The following SLC26A1 variants were observed in gnomAD, a reference collection of about 807,000 sequenced individuals.
SLC26A1 encodes the protein sulfate anion transporter 1.
In SLC26A1, 18 loss-of-function variants were observed where a neutral mutation model predicts 14.5. The ratio of observed to expected loss-of-function variants is 1.24; its 90% CI spans 0.86 to 1.84. The LOEUF (loss-of-function observed/expected upper bound fraction) is 1.84, where lower values mean the gene tolerates loss of function less well. SLC26A1 is among the 40% of genes most tolerant of loss of function. SLC26A1 has a pLI of 0.00. For synonymous variants in SLC26A1, 505 were observed against 492.0 expected (o/e 1.03, Z -0.35); for missense variants, 1,049 against 1,020.0 (o/e 1.03, Z -0.39).
chr4:990,476 G>C, intron 2 of SLC26A1, 114 bp from the exon 3 acceptor site: 1 of 1,057,434 alleles, frequency 9.5e-7, no homozygotes, highest in African/African-American at 1.6e-5. Context: ...TGACAATTCT[G>C]TGTTGCGGCC....
At chr4:990,409 C>G (rs1180828428) in intron 2 of SLC26A1, 47 bp from the exon 3 acceptor site, 1 of 1,513,512 alleles carries the variant, frequency 6.6e-7, no homozygotes, top group Non-Finnish European at 8.9e-7. Flanking sequence ...GCGGGAGCCA[C>G]CTGCCCCTCA....
At chr4:986,363 C>A (rs1309576731), downstream of SLC26A1, among the ~76,000 whole-genome samples, 1 of 152,206 alleles carries the variant, frequency 6.6e-6, no homozygotes, top group African/African-American at 2.4e-5. Context: ...TTTGCAGGTG[C>A]TCAAGTACTT....
At chr4:979,199 C>T in exon 3 of SLC26A1, 1 of 534,218 alleles carries the variant, frequency 1.9e-6, no homozygotes, top group South Asian at 2.5e-5. Flanking sequence ...GTTACATCAT[C>T]CACATGGTAA....
At chr4:984,664 C>G (rs1713645094), downstream of SLC26A1, among the ~76,000 whole-genome samples, 1 of 152,116 alleles carries the variant, frequency 6.6e-6, no homozygotes, top group Non-Finnish European at 1.5e-5. Flanking sequence ...AACGCTGTCT[C>G]TACTGAAAAT....
In SLC26A1 at chr4:988,171, G is replaced by A; in HGVS notation, c.*662C>T. On this transcript the variant is annotated 3_prime_UTR_variant, in exon 3 of 3. Transcript: ENST00000398516. ...GGGCTTCCTGCAGGTCTCCCTGCAG[G>A]CTCAGGGTTGGCTGCGCCGCACCTG... 2.2e-6 allele frequency: 3 copies of A among 1,390,092 alleles called. No homozygotes were observed. The highest frequency in any genetic ancestry group is 1.9e-6 in the Non-Finnish European group (2 of 1,073,164). 86.1% of individuals were successfully genotyped at this position (1,390,092 alleles called of 1,614,324 possible). A position where few individuals can be genotyped will look rare whatever the true frequency, so the allele number is the denominator to read the frequency against.
At position 991,538 on chromosome 4, in the gene SLC26A1, C is replaced by T. The variant is rs142573758; in HGVS notation, c.166G>A (p.Ala56Thr). ...CGGTACTGACGCAGCCAGCGCGTGG[C>T]GGGGAGCAGGTCCTGCACCAGCGCC... ...VRALVQDLLPATRWLRQYRPR... is the reference protein window; with the variant it reads ...VRALVQDLLPTTRWLRQYRPR... The change falls in exon 2 of 3, where the codon GCC becomes ACC. Residue 56 changes from alanine (A) to threonine (T), a missense_variant. Physicochemically the swap from Ala to Thr is moderately conservative, Grantham distance 58 (BLOSUM62 0). Coordinates refer to ENST00000398516, the MANE Select transcript of SLC26A1 (RefSeq NM_022042.4). 1,011 of 1,605,504 alleles carry T rather than the reference C, an allele frequency of 6.3e-4. No individual in the cohort carries two copies. The highest frequency in any genetic ancestry group is 1.0e-3 in the Admixed American group (60 of 59,704).
chr4:988,080 G>T lies in SLC26A1; in HGVS notation c.*753C>A, dbSNP rs1254870795. 1.4e-6 allele frequency: 2 copies of T among 1,455,600 alleles called. No homozygotes were observed. Among genetic ancestry groups the T allele is most frequent in the Non-Finnish European group, 9.1e-7 (1 of 1,102,726 alleles). The allele number at this position is 1,455,600 out of a possible 1,614,324, so 90.2% of individuals were successfully genotyped here. On this transcript the variant is annotated 3_prime_UTR_variant, in exon 3 of 3. Coordinates refer to ENST00000398516, the MANE Select transcript of SLC26A1 (RefSeq NM_022042.4). ...GCCGAAGCACCCTGTTGGGGAGAGC[G>T]TGTCCTTGCTGGCTGTGCTGGGGTG... is the stretch of plus-strand genomic sequence containing the variant.
chr4:982,888 C>A (rs1307944448), downstream of SLC26A1, among the ~76,000 whole-genome samples: 1 of 152,238 alleles, frequency 6.6e-6, no homozygotes, highest in African/African-American at 2.4e-5. Context: ...TCAAACCCCC[C>A]TCCGTCTCCC....
chr4:986,552 T>C (rs1713736659), downstream of SLC26A1, among the ~76,000 whole-genome samples: 1 of 152,248 alleles, frequency 6.6e-6, no homozygotes, highest in Non-Finnish European at 1.5e-5. Flanking sequence ...ATTTTCAGTC[T>C]GCTTGGTTGA....
chr4:991,251 G>A lies in SLC26A1; in HGVS notation c.453C>T (p.Asp151=), dbSNP rs566741514. 56 of 1,612,394 alleles carry A rather than the reference G, an allele frequency of 3.5e-5. No homozygotes were observed. The highest frequency in any genetic ancestry group is 1.7e-4 in the Middle Eastern group (1 of 6,054). ...TGCTGTTGGCTCCGGGCTGCAGGCCGTCCTGGGAGGGGTCAAAGCCGGCCA... is the reference window on the plus strand; with the variant it reads ...TGCTGTTGGCTCCGGGCTGCAGGCCATCCTGGGAGGGGTCAAAGCCGGCCA... ...LQLAGFDPSQ[D]GLQPGANSST... is the part of the protein sequence containing the mutation. The change falls in exon 2 of 3, where the codon GAC becomes GAT. Residue 151 remains aspartate (D), a synonymous_variant. Transcript: ENST00000398516.
rs1713960560 is a variant in SLC26A1 at position 988,860 on chromosome 4, C to CT, written c.2078dup (p.Leu694AlafsTer107). The CT allele has an allele frequency of 6.2e-7, 1 of 1,606,212 alleles. No individual in the cohort carries two copies. Among genetic ancestry groups the CT allele is most frequent in the African/African-American group, 1.3e-5 (1 of 74,774 alleles). ...ACAGATGGGCATCGGTGGCCTCCAG[C>CT]TCCCTGTGGCGGGCTCGTGCTGTCT... On this transcript the variant is annotated frameshift_variant, in exon 3 of 3. Transcript: ENST00000398516. LOFTEE classifies it high-confidence loss of function.
chr4:991,365 G>T lies in SLC26A1; in HGVS notation c.339C>A (p.Phe113Leu). The change falls in exon 2 of 3, where the codon TTC becomes TTA. Residue 113 changes from phenylalanine to leucine, a missense_variant. By Grantham distance (22) the Phe-to-Leu change is conservative. Transcript: ENST00000398516. The part of the protein sequence containing the change: ...YTSFFANLIY[F>L]LMGTSRHVSV... ...AGACATGCCGTGAGGTGCCCATGAG[G>T]AAGTAGATGAGGTTGGCGAAGAAGG... is the stretch of plus-strand genomic sequence containing the variant. 1 of 1,612,892 alleles carries T rather than the reference G, an allele frequency of 6.2e-7. No homozygotes were observed. The highest frequency in any genetic ancestry group is 8.5e-7 in the Non-Finnish European group (1 of 1,179,960).
chr4:985,433 G>A (rs1713679728), downstream of SLC26A1, among the ~76,000 whole-genome samples: 1 of 152,252 alleles, frequency 6.6e-6, no homozygotes, highest in Non-Finnish European at 1.5e-5. Flanking sequence ...GGAGGCGGCT[G>A]GTCTGAAACA....
chr4:987,559 G>A, downstream of SLC26A1: 1 of 1,262,620 alleles, frequency 7.9e-7, no homozygotes, highest in East Asian at 2.6e-5. Flanking sequence ...ACCTAGAGCT[G>A]AGGTACCCGC....
chr4:987,300 CCT>C (rs1713809434), downstream of SLC26A1: 6 of 1,442,850 alleles, frequency 4.2e-6, no homozygotes, highest in Admixed American at 2.1e-5. Context: ...TCGGGCGCCC[CCT>C]GACTGCGCAC....
chr4:990,248 G>C lies in SLC26A1; in HGVS notation c.691C>G (p.Leu231Val). 3.2e-6 allele frequency: 5 copies of C among 1,587,000 alleles called. No individual in the cohort carries two copies. Among genetic ancestry groups the C allele is most frequent in the Non-Finnish European group, 4.3e-6 (5 of 1,168,322 alleles). ...TGCCGCGGGATCCGCACGCCCAGCA[G>C]GTGTTTGAGCTGCGAGGTCAGGATG... is the stretch of plus-strand genomic sequence containing the variant. ...VTILTSQLKH[L>V]LGVRIPRHQG... Residue 231 changes from leucine to valine, a missense_variant, in exon 3 of 3, where the codon CTG (leucine) becomes GTG (valine). Coordinates refer to ENST00000398516, the MANE Select transcript of SLC26A1 (RefSeq NM_022042.4).
At chr4:979,774 A>G (rs1035414711) in intron 2 of SLC26A1, among the ~76,000 whole-genome samples, 1 of 152,216 alleles carries the variant, frequency 6.6e-6, no homozygotes, top group Non-Finnish European at 1.5e-5. Context: ...CAGTGCCATG[A>G]CGTGGACCAG....
chr4:986,957 G>A (rs1166018321), downstream of SLC26A1: 2 of 417,778 alleles, frequency 4.8e-6, no homozygotes, highest in East Asian at 7.6e-5. Flanking sequence ...CCTCCCACCC[G>A]GCCATCGCCC....
rs1272569212 is a variant in SLC26A1 at position 988,899 on chromosome 4, C to T, written c.2040G>A (p.Val680=). 2 of 1,604,688 alleles carry T rather than the reference C, an allele frequency of 1.2e-6. No individual in the cohort carries two copies. Among genetic ancestry groups the T allele is most frequent in the Admixed American group, 1.7e-5 (1 of 59,060 alleles). ...CTCGTGCTGTCTGCACGGCATCGTG[C>T]ACACTGAGGAACAGCTGCTCCTCCT... is the stretch of plus-strand genomic sequence containing the variant. The part of the protein sequence containing the change: ...TAEEEQLFLS[V]HDAVQTARAR... The change falls in exon 3 of 3, where the codon GTG becomes GTA. Residue 680 remains valine (V), a synonymous_variant. Coordinates refer to ENST00000398516, the MANE Select transcript of SLC26A1 (RefSeq NM_022042.4).
Sources: allele counts gnomAD v4.1 joint callset (sites outside exome capture counted in the v4.1 genomes callset), GRCh38; gene constraint gnomAD v4.1.1; transcripts MANE v1.5; gene names NCBI Gene and HGNC (gene_info 2026-07-23, HGNC 2026-07-21).